Variants in WDFY2 observed in about 807,000 individuals in gnomAD.
The protein encoded by WDFY2 is WD repeat and FYVE domain-containing protein 2.
WDFY2 carries 36 observed loss-of-function variants against 56.4 expected under a neutral mutation model. The observed-to-expected ratio is 0.64, with a 90% confidence interval of 0.49 to 0.84. WDFY2 has a LOEUF of 0.84. Among genes scored for constraint, WDFY2 ranks in the 40% least tolerant of loss-of-function variants. The pLI is 0.00. For synonymous variants in WDFY2, 176 were observed against 183.7 expected, an observed-to-expected ratio of 0.96 and a Z score of 0.34; for missense variants, 444 against 512.2, an observed-to-expected ratio of 0.87 and a Z score of 1.29.
intron 1 of WDFY2, among the ~76,000 whole-genome samples, chr13:51,635,014 C>T (rs1566328360): frequency 6.6e-6 from 1 of 152,196 alleles, no homozygotes; most frequent in Non-Finnish European, 1.5e-5. Flanking sequence ...CCTTGGCTCA[C>T]TGCAACCTCT....
intron 1 of WDFY2, among the ~76,000 whole-genome samples, chr13:51,625,988 T>G (rs1954829182): frequency 6.6e-6 from 1 of 152,236 alleles, no homozygotes; most frequent in Non-Finnish European, 1.5e-5. Context: ...CTGGTCATAG[T>G]TGGGTGGCCC....
At chr13:51,622,818 A>G (rs1023020715) in intron 1 of WDFY2, among the ~76,000 whole-genome samples, 1 of 151,596 alleles carries the variant, frequency 6.6e-6, no homozygotes, top group Non-Finnish European at 1.5e-5. Context: ...TTGAACTGGA[A>G]TACCTTTAAA....
At chr13:51,648,271 A>G (rs1298124757) in intron 1 of WDFY2, among the ~76,000 whole-genome samples, 2 of 152,192 alleles carry the variant, frequency 1.3e-5, no homozygotes, top group Non-Finnish European at 2.9e-5. Flanking sequence ...CACAGTGTAT[A>G]GACTTCTCAG....
intron 6 of WDFY2, among the ~76,000 whole-genome samples, chr13:51,728,067 T>A (rs183920297): frequency 2.6e-5 from 4 of 152,230 alleles, no homozygotes; most frequent in Non-Finnish European, 4.4e-5. Context: ...AGTGTTGGCA[T>A]ACATTAATGA....
intron 3 of WDFY2, among the ~76,000 whole-genome samples, chr13:51,693,502 T>A (rs1951792300): frequency 6.6e-6 from 1 of 152,084 alleles, no homozygotes; most frequent in Non-Finnish European, 1.5e-5. Context: ...TTTGAGTGAG[T>A]TTCTTAATCC....
At chr13:51,588,607 AG>A (rs1953988032) in intron 1 of WDFY2, 1 of 152,164 alleles carries the variant, frequency 6.6e-6, no homozygotes, top group Non-Finnish European at 1.5e-5. Context: ...TGGGTCTTGC[AG>A]GGTGAGTAGG....
chr13:51,597,457 A>C (rs1659754843), intron 1 of WDFY2, among the ~76,000 whole-genome samples: 2 of 152,226 alleles, frequency 1.3e-5, no homozygotes, highest in Admixed American at 1.3e-4. Context: ...TGCACAAGTA[A>C]GTTTGTCCTT....
intron 8 of WDFY2, chr13:51,752,882 T>C (rs530832163): frequency 6.6e-6 from 1 of 152,214 alleles, no homozygotes; most frequent in Non-Finnish European, 1.5e-5. Flanking sequence ...AGCTGCTTCG[T>C]GGTTATGATA....
At chr13:51,742,101 T>C (rs1952989016) in intron 7 of WDFY2, among the ~76,000 whole-genome samples, 1 of 152,158 alleles carries the variant, frequency 6.6e-6, no homozygotes, top group Admixed American at 6.5e-5. Flanking sequence ...AGACTGCCTT[T>C]CCTTGGTATG....
rs183721777 is a variant in WDFY2 at position 51,691,044 on chromosome 13, G to T, written c.280-12552G>T. Among the ~76,000 whole-genome samples the T allele has an allele frequency of 3.3e-5, 5 of 152,210 alleles. 1 individual carries two copies. The highest frequency in any genetic ancestry group is 6.8e-3 in the Middle Eastern group (2 of 294). On this transcript the variant is annotated intron_variant, in intron 3 of 11. Transcript: ENST00000298125. Reference sequence around the variant, plus strand: ...CTTCACCCACTTTTTGATGAGGTTGGTTGTTTTTTTGTTGTAAATTTGTTT... The same window carrying T: ...CTTCACCCACTTTTTGATGAGGTTGTTTGTTTTTTTGTTGTAAATTTGTTT...
At chr13:51,648,494 T>A (rs867558432) in intron 1 of WDFY2, among the ~76,000 whole-genome samples, 3 of 152,192 alleles carry the variant, frequency 2.0e-5, no homozygotes, top group African/African-American at 7.2e-5. Flanking sequence ...TGGTAAAATG[T>A]GGTTCCTTCT....
intron 1 of WDFY2, 86 bp downstream of exon 1, chr13:51,584,910 C>T (rs1566294530): frequency 6.4e-7 from 1 of 1,554,116 alleles, no homozygotes. Flanking sequence ...GCCTTCACGT[C>T]GGCGCGAGTG....
intron 4 of WDFY2, among the ~76,000 whole-genome samples, chr13:51,705,762 G>A (rs1462988307): frequency 2.0e-5 from 3 of 152,048 alleles, no homozygotes; most frequent in African/African-American, 7.2e-5. Flanking sequence ...ATTTTAAAAT[G>A]TATTGAGTTA....
chr13:51,753,753 G>A (rs1463734761), intron 8 of WDFY2, among the ~76,000 whole-genome samples: 3 of 152,132 alleles, frequency 2.0e-5, no homozygotes, highest in African/African-American at 4.8e-5. Context: ...TAAAAGGTGT[G>A]TGTGTGTGTG....
intron 2 of WDFY2, among the ~76,000 whole-genome samples, chr13:51,667,649 C>T (rs886555646): frequency 6.6e-6 from 1 of 152,078 alleles, no homozygotes; most frequent in African/African-American, 2.4e-5. Context: ...TGTGTATATA[C>T]TTGAGATATG....
intron 7 of WDFY2, among the ~76,000 whole-genome samples, chr13:51,747,698 A>C (rs1214289759): frequency 1.3e-5 from 2 of 151,972 alleles, no homozygotes; most frequent in African/African-American, 2.4e-5. Context: ...CATCTGACTG[A>C]GTTTTTAATT....
intron 2 of WDFY2, among the ~76,000 whole-genome samples, chr13:51,674,536 C>T (rs1397599224): frequency 6.6e-6 from 1 of 152,278 alleles, no homozygotes; most frequent in Non-Finnish European, 1.5e-5. Context: ...TACCTGGTTT[C>T]TTTCCTACAA....
At chr13:51,620,690 CT>C (rs1337637139) in intron 1 of WDFY2, among the ~76,000 whole-genome samples, 6 of 152,130 alleles carry the variant, frequency 3.9e-5, no homozygotes, top group African/African-American at 1.4e-4. Context: ...CCATTGTTCT[CT>C]CTGACTTTGC....
At position 51,713,372 on chromosome 13, in the gene WDFY2, A is replaced by G. The variant is rs186667107; in HGVS notation, c.335-5826A>G. ...CAGAAGAAATGAAAGCAGAGGCTCA[A>G]GCAGATATATGTACACCCATGTTCA... On this transcript the variant is annotated intron_variant, in intron 4 of 11. Transcript: ENST00000298125. 1.3e-3 allele frequency among the ~76,000 whole-genome samples: 201 copies of G among 152,362 alleles called. 2 individuals carry two copies. The highest frequency in any genetic ancestry group is 4.6e-3 in the African/African-American group (192 of 41,584).
Sources: allele counts gnomAD v4.1 joint callset (sites outside exome capture counted in the v4.1 genomes callset), GRCh38; gene constraint gnomAD v4.1.1; transcripts MANE v1.5; gene names NCBI Gene and HGNC (gene_info 2026-07-23, HGNC 2026-07-21).